UNC5C: variants seen among roughly 807,000 people sequenced by gnomAD.
The protein encoded by UNC5C is netrin receptor UNC5C.
Under a neutral mutation model 99.8 loss-of-function variants are expected in UNC5C, and 47 were observed. That is an observed-to-expected ratio of 0.47 (90% CI 0.37 to 0.60). UNC5C has a LOEUF of 0.60. UNC5C is among the 20% of genes least tolerant of loss of function. The pLI, the probability that UNC5C is intolerant of heterozygous loss-of-function variation, is 0.00. For missense variants in UNC5C, 1,062 were observed against 1,165.9 expected, an observed-to-expected ratio of 0.91 and a Z score of 1.30; for synonymous variants, 487 against 452.2, an observed-to-expected ratio of 1.08 and a Z score of -0.98.
chr4:95,509,524 A>G (rs1418711983), intron 1 of UNC5C, among the ~76,000 whole-genome samples: 6 of 151,934 alleles, frequency 3.9e-5, no homozygotes, highest in South Asian at 2.1e-4. Flanking sequence ...CTGAAGCTTG[A>G]CATCCATTCT....
At chr4:95,493,293 A>G (rs1721549479) in intron 1 of UNC5C, among the ~76,000 whole-genome samples, 1 of 151,414 alleles carries the variant, frequency 6.6e-6, no homozygotes, top group South Asian at 2.1e-4. Flanking sequence ...ATAAGGATAT[A>G]GCTTTGAATT....
intron 5 of UNC5C, among the ~76,000 whole-genome samples, chr4:95,246,299 G>A (rs914353163): frequency 1.3e-5 from 2 of 151,778 alleles, no homozygotes; most frequent in African/African-American, 2.4e-5. Flanking sequence ...GCTCATGCTT[G>A]TAACCCAAGC....
At position 95,250,615 on chromosome 4, in the gene UNC5C, A is replaced by T. The variant is rs760380426; in HGVS notation, c.647T>A (p.Phe216Tyr). 1 of 1,614,034 alleles carries T rather than the reference A, an allele frequency of 6.2e-7. No individual in the cohort carries two copies. Among genetic ancestry groups the T allele is most frequent in the Non-Finnish European group, 8.5e-7 (1 of 1,179,968 alleles). The change falls in exon 5 of 16, where the codon TTT becomes TAT. Residue 216 changes from phenylalanine (F) to tyrosine (Y), a missense_variant. This residue lies in a region of UNC5C where 249 missense variants were observed against 295.1 expected (regional missense o/e 0.84). Transcript: ENST00000453304. ...GAGGTTGTGATCAATAGTAATATAA[A>T]AATTCCGATCTTCAACGGGATCAAT... ...DIIDPVEDRN[F>Y]YITIDHNLII...
chr4:95,438,982 G>C lies in UNC5C; in HGVS notation c.125-103351C>G, dbSNP rs560951626. ...GACGAGGTCTTCCCTAAATGCTAAG[G>C]GTCTTTCCTTCTCCCCAAGTGAAGA... On this transcript the variant is annotated intron_variant, in intron 1 of 15. Transcript: ENST00000453304. Among the ~76,000 whole-genome samples the C allele has an allele frequency of 3.3e-5, 5 of 152,168 alleles. No individual in the cohort carries two copies. The South Asian group carries it at 6.2e-4, about 19-fold the overall frequency.
chr4:95,236,100 T>C (rs999824370), intron 7 of UNC5C, among the ~76,000 whole-genome samples: 7 of 152,156 alleles, frequency 4.6e-5, no homozygotes, highest in African/African-American at 9.7e-5. Flanking sequence ...ACCCAAAGGA[T>C]TATAAATCAT....
chr4:95,428,016 C>T (rs907731861), intron 1 of UNC5C, among the ~76,000 whole-genome samples: 5 of 151,532 alleles, frequency 3.3e-5, no homozygotes, highest in Admixed American at 1.3e-4. Context: ...CCATCCAAAT[C>T]GCTAGATTTT....
At chr4:95,267,262 G>T (rs17023387) in intron 4 of UNC5C, among the ~76,000 whole-genome samples, 3,830 of 152,258 alleles carry the variant, frequency 0.025, 97 homozygotes, top group South Asian at 0.068. Context: ...GTGTCCCAGG[G>T]TGATTCATAT....
At chr4:95,356,918 G>C (rs527762275) in intron 1 of UNC5C, among the ~76,000 whole-genome samples, 3 of 152,110 alleles carry the variant, frequency 2.0e-5, no homozygotes, top group African/African-American at 4.8e-5. Flanking sequence ...GAAACTGGGC[G>C]CAACTGGTCT....
chr4:95,170,132 C>G (rs1736030641), intron 15 of UNC5C, 22 bp downstream of exon 15: 2 of 1,607,310 alleles, frequency 1.2e-6, no homozygotes, highest in Non-Finnish European at 1.7e-6. Context: ...AGAAGCTAGT[C>G]TTGGGGCCAG....
intron 1 of UNC5C, among the ~76,000 whole-genome samples, chr4:95,371,900 T>C (rs1375533677): frequency 6.6e-6 from 1 of 152,180 alleles, no homozygotes; most frequent in Admixed American, 6.6e-5. Context: ...ATAAAAACCA[T>C]GTTCTGCATT....
rs1299659667 is a variant in UNC5C, at chr4:95,202,924, CA to C, written c.1942del (p.Cys648AlafsTer23). 6.2e-7 allele frequency: 1 copy of C among 1,614,168 alleles called. No individual in the cohort carries two copies. Among genetic ancestry groups the C allele is most frequent in the Non-Finnish European group, 8.5e-7 (1 of 1,180,032 alleles). On this transcript the variant is annotated frameshift_variant, in exon 12 of 16. Coordinates refer to ENST00000453304, the MANE Select transcript of UNC5C (RefSeq NM_003728.4). LOFTEE classifies it high-confidence loss of function. ...GGCCTCTGCATCCAGCTGAATGTAG[CA>C]GGGGGTGGTGAAGTTTTCCTCCCCG... ...VVGEENFTTP[C>X]YIQLDAEACH...
rs372395809 is a variant in UNC5C at position 95,532,449 on chromosome 4, T to TAAAAAA, written c.124+16279_124+16284dup. Among the ~76,000 whole-genome samples, 8 of 141,434 alleles carry TAAAAAA rather than the reference T, an allele frequency of 5.7e-5. 1 individual carries two copies. Among genetic ancestry groups the TAAAAAA allele is most frequent in the Middle Eastern group, 7.1e-3 (2 of 280 alleles). The allele number at this position is 141,434 out of a possible 152,430, so 92.8% of individuals were successfully genotyped here. Reference sequence around the variant, plus strand: ...AAAATATGCATTCACCCAACATCATTAAAAAAAAAAAAAAAATCCCGATTA... The same window carrying TAAAAAA: ...AAAATATGCATTCACCCAACATCATTAAAAAAAAAAAAAAAAAAAAAATCCCGATTA... On this transcript the variant is annotated intron_variant, in intron 1 of 15. Coordinates refer to ENST00000453304, the MANE Select transcript of UNC5C (RefSeq NM_003728.4).
chr4:95,375,977 T>TGGGAGGCGGAGCTTGCA (rs1330356109), intron 1 of UNC5C, among the ~76,000 whole-genome samples: 2 of 151,946 alleles, frequency 1.3e-5, no homozygotes, highest in African/African-American at 4.8e-5. Context: ...GGCGTGAACC[T>TGGGAGGCGGAGCTTGCA]GGGAGGCGGA....
At chr4:95,204,375 A>C (rs1489956230) in intron 11 of UNC5C, among the ~76,000 whole-genome samples, 1 of 152,206 alleles carries the variant, frequency 6.6e-6, no homozygotes, top group Non-Finnish European at 1.5e-5. Context: ...CAACCAGGTA[A>C]CAGAGGCATG....
At chr4:95,335,707 A>G in intron 1 of UNC5C, 76 bp from the exon 2 acceptor site, 1 of 1,174,394 alleles carries the variant, frequency 8.5e-7, no homozygotes, top group Non-Finnish European at 1.2e-6. Context: ...TCATGTAAAA[A>G]TAGTGACTTA....
At chr4:95,530,736 T>C (rs1298120401) in intron 1 of UNC5C, among the ~76,000 whole-genome samples, 1 of 152,184 alleles carries the variant, frequency 6.6e-6, no homozygotes, top group African/African-American at 2.4e-5. Context: ...CATCTTATCA[T>C]ATGGCTTATT....
intron 1 of UNC5C, among the ~76,000 whole-genome samples, chr4:95,337,034 T>C (rs1433695425): frequency 5.9e-5 from 9 of 151,952 alleles, no homozygotes; most frequent in African/African-American, 1.9e-4. Flanking sequence ...AACTGAACTA[T>C]TGACAAATCC....
At chr4:95,349,695 T>C (rs1458761680) in intron 1 of UNC5C, among the ~76,000 whole-genome samples, 1 of 151,948 alleles carries the variant, frequency 6.6e-6, no homozygotes, top group African/African-American at 2.4e-5. Flanking sequence ...ATACTGACTC[T>C]ATAAAAAAAA....
chr4:95,476,895 C>G (rs891469999), intron 1 of UNC5C, among the ~76,000 whole-genome samples: 7 of 151,960 alleles, frequency 4.6e-5, no homozygotes, highest in African/African-American at 1.7e-4. Flanking sequence ...GTCTGAATGC[C>G]TCCAGGGTCT....
Sources: allele counts gnomAD v4.1 joint callset (sites outside exome capture counted in the v4.1 genomes callset), GRCh38; gene constraint gnomAD v4.1.1; regional missense constraint gnomAD v4.1.1; transcripts MANE v1.5; gene names NCBI Gene and HGNC (gene_info 2026-07-23, HGNC 2026-07-21).